Variants in ERN1 observed in about 807,000 individuals in gnomAD.
The protein encoded by ERN1 is endoplasmic reticulum to nucleus signaling 1.
A neutral mutation model predicts 113.1 loss-of-function variants in ERN1; 39 were observed. That is an observed-to-expected ratio of 0.34 (90% confidence interval 0.27 to 0.45). The LOEUF is 0.45. Ranked by LOEUF, ERN1 falls within the 20% of genes least tolerant of loss-of-function variation. The probability of loss-of-function intolerance (pLI) is 1.00; values close to 1 mark genes in which losing one functional copy is unlikely to be tolerated. For synonymous variants in ERN1, 507 were observed against 515.9 expected (o/e 0.98, Z 0.23); for missense variants, 976 against 1,274.8 (o/e 0.77, Z 3.57).
chr17:64,118,777 C>T lies in ERN1; in HGVS notation c.54+11199G>A, dbSNP rs568401545. ...TACAGTTGGGCTTGTCAGCTCGGCA[C>T]CTGCTATAAAAACCCTTCGAGGGAA... On this transcript the variant is annotated intron_variant, in intron 1 of 21. Transcript: ENST00000433197. Among the ~76,000 whole-genome samples, 30 of 152,294 alleles carry T rather than the reference C, an allele frequency of 2.0e-4. No individual in the cohort carries two copies. The East Asian group carries it at 4.1e-3, about 21-fold the overall frequency.
At chr17:64,121,531 C>T (rs757958444) in intron 1 of ERN1, among the ~76,000 whole-genome samples, 3 of 152,160 alleles carry the variant, frequency 2.0e-5, no homozygotes, top group Non-Finnish European at 4.4e-5. Context: ...TCTCTGTTGC[C>T]CAGGCTGGAG....
chr17:64,110,289 T>C (rs749018489), intron 1 of ERN1, among the ~76,000 whole-genome samples: 1 of 152,246 alleles, frequency 6.6e-6, no homozygotes, highest in Non-Finnish European at 1.5e-5. Context: ...ATGTATACAT[T>C]GTGGAATGGC....
At chr17:64,064,403 T>G (rs1020425738) in intron 9 of ERN1, among the ~76,000 whole-genome samples, 6 of 152,218 alleles carry the variant, frequency 3.9e-5, no homozygotes, top group South Asian at 4.1e-4. Flanking sequence ...AGTGTGTGTG[T>G]AGAACTCCAA....
Position 64,054,781 on chromosome 17 carries a change from T to G in ERN1, c.1720A>C (p.Lys574Gln). ...VIVGKISFCP[K>Q]DVLGHGAEGT... ...TCAGCTCCATGGCCCAGGACATCCT[T>G]GGGACAGAAGGAAATTTTCCCAACT... Residue 574 changes from lysine (K) to glutamine (Q), a missense_variant, in exon 14 of 22, where the codon AAG (lysine) becomes CAG (glutamine). This residue lies in a region of ERN1 where 112 missense variants were observed against 106.2 expected (regional missense o/e 1.05). Transcript: ENST00000433197. This position sits in a 1 kb window ranked among gnomAD's most constrained non-coding sequence, Gnocchi z 4.9. 6.2e-7 allele frequency: 1 copy of G among 1,610,664 alleles called. No individual in the cohort carries two copies. Among genetic ancestry groups the G allele is most frequent in the Non-Finnish European group, 8.5e-7 (1 of 1,178,784 alleles).
Position 64,111,066 on chromosome 17 carries a change from G to A in ERN1, c.55-12825C>T, listed in dbSNP as rs1161880684. Among the ~76,000 whole-genome samples, 3 of 152,154 alleles carry A rather than the reference G, an allele frequency of 2.0e-5. No homozygotes were observed. In the East Asian group the frequency reaches 5.8e-4, roughly 29 times the overall value. On this transcript the variant is annotated intron_variant, in intron 1 of 21. Coordinates refer to ENST00000433197, the MANE Select transcript of ERN1 (RefSeq NM_001433.5). ...GAGGAGGCCTTTCCAGACATCAAAGGAAGAACTCCCTCGTGAAAAGGGAAA... is the reference window on the plus strand; with the variant it reads ...GAGGAGGCCTTTCCAGACATCAAAGAAAGAACTCCCTCGTGAAAAGGGAAA...
chr17:64,044,228 T>G lies in ERN1; in HGVS notation c.2722-28A>C, dbSNP rs1007478133. On this transcript the variant is annotated intron_variant, in intron 21 of 21. Transcript: ENST00000433197. This position sits in a 1 kb window ranked among gnomAD's most constrained non-coding sequence, Gnocchi z 4.1. Reference sequence around the variant, plus strand: ...GCAAAGAGTTAGAAAGCTCGGGAGATTAGAAAGGGGTTAGAAAGCTCGGGA... The same window carrying G: ...GCAAAGAGTTAGAAAGCTCGGGAGAGTAGAAAGGGGTTAGAAAGCTCGGGA... 4 of 1,455,544 alleles carry G rather than the reference T, an allele frequency of 2.7e-6. No homozygotes were observed. The highest frequency in any genetic ancestry group is 3.7e-6 in the Non-Finnish European group (4 of 1,090,784). 90.2% of individuals were successfully genotyped at this position (1,455,544 alleles called of 1,614,324 possible).
At chr17:64,070,663 G>A (rs1913381536) in intron 6 of ERN1, among the ~76,000 whole-genome samples, 1 of 152,186 alleles carries the variant, frequency 6.6e-6, no homozygotes, top group South Asian at 2.1e-4. Flanking sequence ...AACACTTTCA[G>A]GACGGTTCTC....
intron 8 of ERN1, among the ~76,000 whole-genome samples, chr17:64,065,804 C>T (rs1913204887): frequency 1.3e-5 from 2 of 152,136 alleles, no homozygotes; most frequent in South Asian, 4.1e-4. Context: ...ATAAGAAATT[C>T]CAGACTTGGT....
chr17:64,055,830 T>C lies in ERN1; in HGVS notation c.1517A>G (p.Gln506Arg), dbSNP rs1323979105. 2 of 1,559,188 alleles carry C rather than the reference T, an allele frequency of 1.3e-6. No individual in the cohort carries two copies. The highest frequency in any genetic ancestry group is 3.3e-4 in the Middle Eastern group (2 of 5,990). Reference sequence around the variant, plus strand: ...AGACGTGTCCAGGAGCTCGCCGTCCTGAGCCGTGTCTCCAGGTGGGTGGAA... The same window carrying C: ...AGACGTGTCCAGGAGCTCGCCGTCCCGAGCCGTGTCTCCAGGTGGGTGGAA... ...LPFHPPGDTA[Q>R]DGELLDTSGP... Residue 506 changes from glutamine (Q) to arginine (R), a missense_variant, in exon 13 of 22, where the codon CAG (glutamine) becomes CGG (arginine). Transcript: ENST00000433197.
chr17:64,117,143 T>A (rs1298904333), intron 1 of ERN1, among the ~76,000 whole-genome samples: 3 of 145,044 alleles, frequency 2.1e-5, no homozygotes, highest in East Asian at 2.1e-4. Flanking sequence ...TAAAAATTTT[T>A]AAAAAAATCA....
chr17:64,113,492 G>A (rs919540621), intron 1 of ERN1, among the ~76,000 whole-genome samples: 1 of 152,012 alleles, frequency 6.6e-6, no homozygotes, highest in African/African-American at 2.4e-5. Context: ...TTTTTCCAGA[G>A]CATTTTGCCC....
chr17:64,061,877 T>A (rs536467552), intron 10 of ERN1, among the ~76,000 whole-genome samples: 1 of 152,336 alleles, frequency 6.6e-6, no homozygotes, highest in Non-Finnish European at 1.5e-5. Context: ...ACCCACTCAG[T>A]GCTCAGGGTC....
chr17:64,119,538 G>A (rs562082300), intron 1 of ERN1, among the ~76,000 whole-genome samples: 20 of 151,656 alleles, frequency 1.3e-4, no homozygotes, highest in Non-Finnish European at 1.8e-4. Context: ...ACAGGCACGC[G>A]CCACCACGCC....
chr17:64,053,976 G>A (rs1415339882), intron 15 of ERN1: 1 of 359,818 alleles, frequency 2.8e-6, no homozygotes, highest in Non-Finnish European at 5.1e-6. Context: ...GTCTCACTCT[G>A]TTGTCCAGGC....
At chr17:64,069,833 G>A (rs1291276897) in intron 6 of ERN1, among the ~76,000 whole-genome samples, 1 of 152,124 alleles carries the variant, frequency 6.6e-6, no homozygotes, top group Non-Finnish European at 1.5e-5. Context: ...ATAATGAGAG[G>A]TGAGATTTTG....
chr17:64,055,715 G>A lies in ERN1; in HGVS notation c.1632C>T (p.Ser544=). 1 of 1,608,874 alleles carries A rather than the reference G, an allele frequency of 6.2e-7. No homozygotes were observed. Among genetic ancestry groups the A allele is most frequent in the Non-Finnish European group, 8.5e-7 (1 of 1,177,298 alleles). Residue 544 remains serine (S), a synonymous_variant, in exon 13 of 22, where the codon TCC becomes TCT. Transcript: ENST00000433197. The part of the protein sequence containing the change: ...NHSLCSGSSA[S]KAGSSPSLEQ... ...CCAGGGAGGGGCTGCTGCCAGCCTT[G>A]GAGGCAGAGCTGCCGGAGCAGAGCG... is the stretch of plus-strand genomic sequence containing the variant.
intron 17 of ERN1, among the ~76,000 whole-genome samples, chr17:64,052,401 A>T (rs562422994): frequency 7.5e-4 from 114 of 152,226 alleles, no homozygotes; most frequent in African/African-American, 2.7e-3. Context: ...GCTACTCAGG[A>T]GGCTGAAGCA....
chr17:64,077,888 G>C (rs772081822), intron 4 of ERN1, among the ~76,000 whole-genome samples: 2 of 152,176 alleles, frequency 1.3e-5, no homozygotes, highest in Admixed American at 6.5e-5. Context: ...TGGGACTATA[G>C]GCGCCCGCCA....
At chr17:64,070,839 G>A (rs1004164472) in intron 6 of ERN1, among the ~76,000 whole-genome samples, 1 of 152,142 alleles carries the variant, frequency 6.6e-6, no homozygotes, top group Non-Finnish European at 1.5e-5. Flanking sequence ...CCCGACATGT[G>A]TGAGGTGCTG....
Sources: gnomAD v4.1 joint callset for allele counts (sites outside exome capture counted in the v4.1 genomes callset) on GRCh38, gnomAD v4.1.1 for gene constraint, gnomAD v4.1.1 regional missense constraint, Gnocchi (gnomAD v3.1) non-coding constraint, MANE v1.5 for transcripts, NCBI Gene and HGNC (gene_info 2026-07-23, HGNC 2026-07-21) for gene names.